CT47C1: variants seen among roughly 807,000 people sequenced by gnomAD.
CT47C1 encodes the protein cancer/testis antigen family 47 member C1.
the CT47C1 span, chrX:119,074,027 G>A: frequency 1.2e-5 from 7 of 582,419 alleles, no homozygotes; most frequent in African/African-American, 6.8e-5. Context: ...ACCGGCTGCA[G>A]AGGAGGAGTC....
At chrX:119,074,411 G>C in the CT47C1 span, among the ~76,000 whole-genome samples, 1 of 111,607 alleles carries the variant, frequency 9.0e-6, no homozygotes, top group Non-Finnish European at 1.9e-5. Context: ...GAGGGAGCTC[G>C]GCAGGAAACA....
chrX:119,076,098 AT>A, the CT47C1 span: 1 of 112,804 alleles, frequency 8.9e-6, no homozygotes, highest in East Asian at 2.8e-4. Flanking sequence ...ATTTTCTTCT[AT>A]TTAGAAAGTC....
the CT47C1 span, chrX:119,075,073 G>A: frequency 1.8e-6 from 2 of 1,088,218 alleles, no homozygotes; most frequent in Non-Finnish European, 2.5e-6. Flanking sequence ...GAACTCCAAA[G>A]GGACCTAGAC....
chrX:119,074,846 T>A, the CT47C1 span: 1 of 835,253 alleles, frequency 1.2e-6, no homozygotes, highest in Admixed American at 2.8e-5. Flanking sequence ...CTTAGTTAAG[T>A]CTATCCTCCT....
the CT47C1 span, chrX:119,073,555 C>T: frequency 1.9e-5 from 10 of 521,813 alleles, no homozygotes; most frequent in Middle Eastern, 3.1e-4. Flanking sequence ...CGGACAACTT[C>T]GACTTGGTCG....
the CT47C1 span, chrX:119,074,884 GC>G: frequency 9.4e-5 from 87 of 928,857 alleles, no homozygotes; most frequent in African/African-American, 1.6e-3. Flanking sequence ...AGTACTGGGT[GC>G]CGCTGCTGGT....
At chrX:119,076,166 G>A in the CT47C1 span, 1 of 112,446 alleles carries the variant, frequency 8.9e-6, no homozygotes, top group East Asian at 2.8e-4. Flanking sequence ...TCTGTAGTTG[G>A]GAAGAATAGA....
chrX:119,073,842 C>T, the CT47C1 span: 1 of 877,187 alleles, frequency 1.1e-6, no homozygotes, highest in Non-Finnish European at 1.7e-6. Context: ...GAGGTGCCAG[C>T]AGACCTGGCC....
At chrX:119,073,498 GGATGAGGAGGAGGAA>G in the CT47C1 span, 5 of 513,341 alleles carry the variant, frequency 9.7e-6, no homozygotes, top group South Asian at 1.3e-4. Context: ...AGGAGGAGGA[GGATGAGGAGGAGGAA>G]GAGGAGGAGG....
the CT47C1 span, chrX:119,073,354 T>G: frequency 4.0e-5 from 21 of 531,619 alleles, no homozygotes; most frequent in Admixed American, 1.7e-4. Context: ...GTGGCAACAC[T>G]GTGGCCGGAG....
At chrX:119,076,312 C>G in the CT47C1 span, 2 of 112,352 alleles carry the variant, frequency 1.8e-5, no homozygotes, top group Admixed American at 1.9e-4. Flanking sequence ...TAACTTTTAT[C>G]TTTCACAAAT....
chrX:119,073,178 T>C, the CT47C1 span: 4,819 of 459,613 alleles, frequency 0.01, 156 homozygotes, highest in African/African-American at 0.1. Context: ...TCTTCACCGT[T>C]GTCACCTCAG....
the CT47C1 span, among the ~76,000 whole-genome samples, chrX:119,074,667 C>G: frequency 9.0e-6 from 1 of 111,001 alleles, no homozygotes; most frequent in Non-Finnish European, 1.9e-5. Flanking sequence ...GATCAGACAC[C>G]ATGATTCTGA....
the CT47C1 span, chrX:119,073,599 G>C: frequency 1.8e-6 from 1 of 544,534 alleles, no homozygotes; most frequent in Non-Finnish European, 3.3e-6. Flanking sequence ...AGAGGCTTTC[G>C]CATGGAGTTT....
the CT47C1 span, among the ~76,000 whole-genome samples, chrX:119,074,794 A>G: frequency 9.0e-6 from 1 of 111,233 alleles, no homozygotes; most frequent in Non-Finnish European, 1.9e-5. Context: ...GGGCCATGGC[A>G]CTGTTGTGAA....
At chrX:119,073,708 G>A in the CT47C1 span, 1 of 701,007 alleles carries the variant, frequency 1.4e-6, no homozygotes, top group African/African-American at 2.1e-5. Flanking sequence ...GCCGCACTGC[G>A]GCGCCCAGTG....
At chrX:119,073,777 T>G in the CT47C1 span, 1 of 834,941 alleles carries the variant, frequency 1.2e-6, no homozygotes, top group Non-Finnish European at 1.7e-6. Context: ...GGGCCGCGGG[T>G]CCTGAGGGCG....
chrX:119,073,138 C>T, the CT47C1 span: 1 of 423,885 alleles, frequency 2.4e-6, no homozygotes, highest in East Asian at 3.8e-5. Context: ...CCTCACCTCC[C>T]CTCAGCCACA....
chrX:119,073,366 C>G, the CT47C1 span: 1 of 536,299 alleles, frequency 1.9e-6, no homozygotes, highest in Non-Finnish European at 3.4e-6. Flanking sequence ...TGGCCGGAGT[C>G]GCAGGGCCCA....
Sources: gnomAD v4.1 joint callset for allele counts (sites outside exome capture counted in the v4.1 genomes callset) on GRCh38, gnomAD v4.1.1 for gene constraint, MANE v1.5 for transcripts, NCBI Gene and HGNC (gene_info 2026-07-23, HGNC 2026-07-21) for gene names.